ANKS1B: variants seen among roughly 807,000 people sequenced by gnomAD.
ANKS1B encodes the protein ankyrin repeat and sterile alpha motif domain-containing protein 1B.
A neutral mutation model predicts 148.3 loss-of-function variants in ANKS1B; 36 were observed. The ratio of observed to expected loss-of-function variants is 0.24; its 90% confidence interval spans 0.19 to 0.32. The LOEUF (loss-of-function observed/expected upper bound fraction) is 0.32, where lower values mean the gene tolerates loss of function less well. Among genes scored for constraint, ANKS1B ranks in the 10% least tolerant of loss-of-function variants. The pLI is 1.00. For missense variants in ANKS1B, 1,157 were observed against 1,542.6 expected, an observed-to-expected ratio of 0.75 and a Z score of 4.19; for synonymous variants, 542 against 560.8, an observed-to-expected ratio of 0.97 and a Z score of 0.47.
chr12:99,001,422 C>G (rs779266110), intron 17 of ANKS1B, among the ~76,000 whole-genome samples: 16 of 152,158 alleles, frequency 1.1e-4, no homozygotes, highest in Non-Finnish European at 1.8e-4. Context: ...AGCCACCATG[C>G]CAGGCCCCAG....
intron 15 of ANKS1B, among the ~76,000 whole-genome samples, chr12:99,098,812 A>C (rs2057116645): frequency 6.6e-6 from 1 of 150,760 alleles, no homozygotes; most frequent in African/African-American, 2.4e-5. Flanking sequence ...GCCTTGGGAA[A>C]GTCACTTGAT....
intron 1 of ANKS1B, among the ~76,000 whole-genome samples, chr12:99,965,406 A>G (rs2095472780): frequency 6.6e-6 from 1 of 152,246 alleles, no homozygotes; most frequent in Admixed American, 6.5e-5. Flanking sequence ...AAATGAATAA[A>G]AGAAAGTTTG....
intron 12 of ANKS1B, among the ~76,000 whole-genome samples, chr12:99,387,721 G>A (rs2093924438): frequency 6.6e-6 from 1 of 152,020 alleles, no homozygotes; most frequent in Non-Finnish European, 1.5e-5. Flanking sequence ...AACCAAATCT[G>A]CTGGTGCCTC....
chr12:99,057,071 G>A (rs937441320), intron 16 of ANKS1B, among the ~76,000 whole-genome samples: 8 of 152,018 alleles, frequency 5.3e-5, no homozygotes, highest in African/African-American at 1.9e-4. Flanking sequence ...GGCCAACATG[G>A]TCTATCAATT....
At position 99,065,669 on chromosome 12, in the gene ANKS1B, ATCCATCCATCCATCCAACCATCCATCCG is replaced by A. The variant is rs2044028911; in HGVS notation, c.2626-12388_2626-12361del. On this transcript the variant is annotated intron_variant, in intron 16 of 26. Transcript: ENST00000683438. ...CATCCATCCATCCATCCATCCATCC[ATCCATCCATCCATCCAACCATCCATCCG>A]TCCACCCACTTATTTACTCAACAAA... Among the ~76,000 whole-genome samples, 42 of 124,898 alleles carry A rather than the reference ATCCATCCATCCATCCAACCATCCATCCG, an allele frequency of 3.4e-4. No individual in the cohort carries two copies. In the South Asian group the frequency reaches 0.011, roughly 33 times the overall value. The allele number at this position is 124,898 out of a possible 152,430, so 81.9% of individuals were successfully genotyped here. A position where few individuals can be genotyped will look rare whatever the true frequency, so the allele number is the denominator to read the frequency against.
chr12:99,154,016 CA>C (rs1157063044), intron 15 of ANKS1B, among the ~76,000 whole-genome samples: 1 of 152,028 alleles, frequency 6.6e-6, no homozygotes, highest in Non-Finnish European at 1.5e-5. Context: ...GGGAGAATAT[CA>C]ATATTAATCT....
At chr12:99,910,962 C>T (rs1227973854) in intron 1 of ANKS1B, among the ~76,000 whole-genome samples, 1 of 152,096 alleles carries the variant, frequency 6.6e-6, no homozygotes, top group South Asian at 2.1e-4. Context: ...AGCTATTGTG[C>T]TAAAAATACG....
chr12:99,138,949 TTCTC>T lies in ANKS1B; in HGVS notation c.2526+15336_2526+15339del, dbSNP rs762171332. Reference sequence around the variant, plus strand: ...TCTCCCTTTCTCTCTTTCTTTTTCTTTCTCTCTCTTTTTTCTTTTTCTCTCTGTC... The same window carrying T: ...TCTCCCTTTCTCTCTTTCTTTTTCTTTCTCTTTTTTCTTTTTCTCTCTGTC... On this transcript the variant is annotated intron_variant, in intron 15 of 26. Transcript: ENST00000683438. 1.3e-4 allele frequency among the ~76,000 whole-genome samples: 20 copies of T among 151,898 alleles called. No homozygotes were observed. In the South Asian group the frequency reaches 1.9e-3, roughly 14 times the overall value.
At chr12:99,494,605 C>T (rs544301153) in intron 10 of ANKS1B, among the ~76,000 whole-genome samples, 6 of 151,546 alleles carry the variant, frequency 4.0e-5, no homozygotes, top group South Asian at 2.1e-4. Flanking sequence ...TGGTGGCGGG[C>T]GCCTGTAGTC....
rs1160686168 is a variant in ANKS1B at position 99,742,569 on chromosome 12, TC to T, written c.1128+30352del. On this transcript the variant is annotated intron_variant, in intron 8 of 26. Coordinates refer to ENST00000683438, the MANE Select transcript of ANKS1B (RefSeq NM_001352186.2). ...CTAGAATTTGGCTGGGTGCAGTGAA[TC>T]ACGCCTGTAATCCCAGCACTTTGGG... is the stretch of plus-strand genomic sequence containing the variant. Among the ~76,000 whole-genome samples the T allele has an allele frequency of 2.6e-5, 4 of 151,622 alleles. No homozygotes were observed. The East Asian group carries it at 7.8e-4, about 30-fold the overall frequency.
intron 2 of ANKS1B, among the ~76,000 whole-genome samples, chr12:99,821,044 T>C (rs7970539): frequency 0.089 from 13,538 of 151,980 alleles, 675 homozygotes; most frequent in South Asian, 0.12. Context: ...AAACATACAC[T>C]CTATATGAAA....
intron 1 of ANKS1B, among the ~76,000 whole-genome samples, chr12:99,975,683 T>C (rs2095618062): frequency 6.6e-6 from 1 of 152,210 alleles, no homozygotes; most frequent in Admixed American, 6.5e-5. Context: ...TTTTTGCTTG[T>C]TGACTTAAGT....
At chr12:99,140,061 T>C (rs983237465) in intron 15 of ANKS1B, among the ~76,000 whole-genome samples, 1 of 152,212 alleles carries the variant, frequency 6.6e-6, no homozygotes, top group Non-Finnish European at 1.5e-5. Context: ...CTCTCGAGGA[T>C]TCAAATAGTC....
At chr12:99,862,818 T>C (rs1301527509) in intron 1 of ANKS1B, among the ~76,000 whole-genome samples, 1 of 152,104 alleles carries the variant, frequency 6.6e-6, no homozygotes, top group African/African-American at 2.4e-5. Context: ...ATGCAAAATC[T>C]AGGGAGGGGT....
chr12:99,625,038 A>C (rs577266370), intron 9 of ANKS1B, among the ~76,000 whole-genome samples: 3 of 152,308 alleles, frequency 2.0e-5, no homozygotes, highest in Admixed American at 2.0e-4. Context: ...AATGTGATAC[A>C]TATATACCAT....
intron 10 of ANKS1B, among the ~76,000 whole-genome samples, chr12:99,454,910 G>A (rs2095820055): frequency 1.3e-5 from 2 of 152,130 alleles, no homozygotes; most frequent in African/African-American, 4.8e-5. Flanking sequence ...CCCTCCCAAT[G>A]CTTACTTTTA....
At chr12:99,858,584 T>C (rs971863302) in intron 1 of ANKS1B, among the ~76,000 whole-genome samples, 4 of 152,180 alleles carry the variant, frequency 2.6e-5, no homozygotes, top group African/African-American at 7.2e-5. Flanking sequence ...CTGATGTTTA[T>C]AGCAGCACAA....
chr12:98,982,477 CCTCCCT>C (rs1446015867), intron 17 of ANKS1B, among the ~76,000 whole-genome samples: 5 of 152,108 alleles, frequency 3.3e-5, no homozygotes, highest in Admixed American at 1.3e-4. Context: ...TGATCCCTTC[CCTCCCT>C]CTTAGAAATG....
intron 15 of ANKS1B, among the ~76,000 whole-genome samples, chr12:99,135,296 A>T (rs1180861177): frequency 6.6e-6 from 1 of 152,238 alleles, no homozygotes; most frequent in African/African-American, 2.4e-5. Context: ...AAGAAATCCA[A>T]CACCTGCCTA....
Sources: gnomAD v4.1 joint callset for allele counts (sites outside exome capture counted in the v4.1 genomes callset) on GRCh38, gnomAD v4.1.1 for gene constraint, MANE v1.5 for transcripts, NCBI Gene and HGNC (gene_info 2026-07-23, HGNC 2026-07-21) for gene names.